Variants in SFMBT2 observed in about 807,000 individuals in gnomAD.
SFMBT2 encodes the protein scm-like with four MBT domains protein 2.
Under a neutral mutation model 110.1 loss-of-function variants are expected in SFMBT2, and 38 were observed. The observed-to-expected ratio is 0.35, with a 90% CI of 0.27 to 0.45. SFMBT2 has a LOEUF of 0.45. SFMBT2 is among the 20% of genes least tolerant of loss of function. The pLI is 1.00. For missense variants in SFMBT2, 1,011 were observed against 1,094.9 expected, an observed-to-expected ratio of 0.92 and a Z score of 1.08; for synonymous variants, 425 against 425.4, an observed-to-expected ratio of 1.00 and a Z score of 0.01.
intron 4 of SFMBT2, among the ~76,000 whole-genome samples, chr10:7,291,976 C>G (rs1238778903): frequency 6.6e-6 from 1 of 152,170 alleles, no homozygotes; most frequent in Non-Finnish European, 1.5e-5. Context: ...CTGCAGCCCC[C>G]ACACTAATTT....
chr10:7,368,773 A>G (rs1844984244), intron 3 of SFMBT2, among the ~76,000 whole-genome samples: 1 of 152,244 alleles, frequency 6.6e-6, no homozygotes, highest in Non-Finnish European at 1.5e-5. Flanking sequence ...CAGCATCTTA[A>G]GATATAAATG....
intron 4 of SFMBT2, among the ~76,000 whole-genome samples, chr10:7,363,834 T>C (rs530382266): frequency 1.6e-4 from 24 of 152,196 alleles, no homozygotes; most frequent in African/African-American, 5.8e-4. Context: ...CCTCCCTTTA[T>C]ACCACTCTGA....
intron 2 of SFMBT2, among the ~76,000 whole-genome samples, chr10:7,377,967 G>GGCGGC (rs78553669): frequency 1.6e-5 from 2 of 122,458 alleles, no homozygotes; most frequent in South Asian, 6.1e-4. Flanking sequence ...GTGTGGGGGG[G>GGCGGC]GGTTGTGTGT....
chr10:7,396,435 G>A (rs1020321003), intron 1 of SFMBT2, among the ~76,000 whole-genome samples: 3 of 152,198 alleles, frequency 2.0e-5, no homozygotes, highest in South Asian at 4.2e-4. Context: ...ACAGTTTCCC[G>A]CCCACTGTCA....
chr10:7,294,669 T>A (rs903568555), intron 4 of SFMBT2, among the ~76,000 whole-genome samples: 12 of 152,208 alleles, frequency 7.9e-5, no homozygotes, highest in Non-Finnish European at 1.5e-5. Context: ...ATATTGTTAC[T>A]CTAAAATTAA....
intron 4 of SFMBT2, among the ~76,000 whole-genome samples, chr10:7,346,317 G>C (rs546947508): frequency 6.6e-6 from 1 of 152,286 alleles, no homozygotes; most frequent in African/African-American, 2.4e-5. Flanking sequence ...TTATGATGCT[G>C]TGTCTTGGTG....
chr10:7,189,296 G>A, intron 15 of SFMBT2: 1 of 513,060 alleles, frequency 1.9e-6, no homozygotes, highest in South Asian at 8.6e-5. Context: ...AAGAGAGTCT[G>A]GAATATCCAG....
chr10:7,289,790 C>T (rs1001367422), intron 4 of SFMBT2, among the ~76,000 whole-genome samples: 3 of 152,162 alleles, frequency 2.0e-5, no homozygotes, highest in Non-Finnish European at 4.4e-5. Context: ...AACCAATTTA[C>T]AATTCCTAGA....
chr10:7,351,879 A>AT (rs1234200945), intron 4 of SFMBT2, among the ~76,000 whole-genome samples: 36 of 138,698 alleles, frequency 2.6e-4, no homozygotes, highest in Middle Eastern at 3.6e-3. Context: ...GTAAAAAAAA[A>AT]AATATATATA....
intron 4 of SFMBT2, among the ~76,000 whole-genome samples, chr10:7,328,830 C>T: frequency 6.6e-6 from 1 of 152,180 alleles, no homozygotes; most frequent in Non-Finnish European, 1.5e-5. Context: ...AGTGTAAGAA[C>T]AAGGTGACTA....
At position 7,327,328 on chromosome 10, in the gene SFMBT2, C is replaced by T. The variant is rs114890966; in HGVS notation, c.436+40321G>A. ...CACCATCAGGATACAGTTTCATCAC[C>T]CCGAAAAAAAAATCCCTCCTTCTGT... On this transcript the variant is annotated intron_variant, in intron 4 of 20. Transcript: ENST00000397167. 6.8e-3 allele frequency among the ~76,000 whole-genome samples: 1,035 copies of T among 151,868 alleles called. 16 individuals are homozygous for T. The highest frequency in any genetic ancestry group is 0.024 in the African/African-American group (984 of 41,376).
intron 4 of SFMBT2, among the ~76,000 whole-genome samples, chr10:7,321,295 G>A (rs1013392128): frequency 2.0e-5 from 3 of 148,792 alleles, no homozygotes; most frequent in East Asian, 2.0e-4. Flanking sequence ...TCCGCCTCCC[G>A]GGTTCATGCC....
chr10:7,386,098 C>T lies in SFMBT2; in HGVS notation c.-51-4149G>A, dbSNP rs751640557. ...CAATCCAGGAAAAAATAATAAAAAGCGAGCAGTGTTTCACAATCCACATTT... is the reference window on the plus strand; with the variant it reads ...CAATCCAGGAAAAAATAATAAAAAGTGAGCAGTGTTTCACAATCCACATTT... On this transcript the variant is annotated intron_variant, in intron 1 of 20. Transcript: ENST00000397167. Among the ~76,000 whole-genome samples, 40 of 152,256 alleles carry T rather than the reference C, an allele frequency of 2.6e-4. 1 individual carries two copies. Among genetic ancestry groups the T allele is most frequent in the Non-Finnish European group, 4.6e-4 (31 of 68,024 alleles).
At chr10:7,405,830 C>G (rs568491568) in intron 1 of SFMBT2, among the ~76,000 whole-genome samples, 3 of 126,684 alleles carry the variant, frequency 2.4e-5, no homozygotes, top group East Asian at 3.1e-4. Context: ...ATTCCCCCCC[C>G]GACCCCCGCT....
At chr10:7,329,166 C>T (rs1448167845) in intron 4 of SFMBT2, among the ~76,000 whole-genome samples, 9 of 152,160 alleles carry the variant, frequency 5.9e-5, no homozygotes, top group African/African-American at 1.9e-4. Context: ...TAGCATTTCA[C>T]GGACTAAGAA....
At chr10:7,222,863 G>A (rs1839789615) in intron 10 of SFMBT2, among the ~76,000 whole-genome samples, 1 of 151,896 alleles carries the variant, frequency 6.6e-6, no homozygotes, top group Non-Finnish European at 1.5e-5. Context: ...GTAGAGTTGG[G>A]GTTTCACCAT....
At chr10:7,173,937 A>G (rs1198114860) in intron 17 of SFMBT2, among the ~76,000 whole-genome samples, 1 of 152,094 alleles carries the variant, frequency 6.6e-6, no homozygotes, top group African/African-American at 2.4e-5. Flanking sequence ...TCTGCACCCC[A>G]ATTTCCTTAC....
chr10:7,303,543 T>A (rs1842613402), intron 4 of SFMBT2, among the ~76,000 whole-genome samples: 5 of 152,148 alleles, frequency 3.3e-5, no homozygotes, highest in Admixed American at 3.3e-4. Flanking sequence ...AAGGGTGGTG[T>A]AATAAAATAG....
chr10:7,257,727 A>C (rs1231938344), intron 7 of SFMBT2, among the ~76,000 whole-genome samples: 1 of 152,200 alleles, frequency 6.6e-6, no homozygotes, highest in African/African-American at 2.4e-5. Flanking sequence ...AAATGTCACT[A>C]TGTGGCTATC....
Sources: allele counts gnomAD v4.1 joint callset (sites outside exome capture counted in the v4.1 genomes callset), GRCh38; gene constraint gnomAD v4.1.1; transcripts MANE v1.5; gene names NCBI Gene and HGNC (gene_info 2026-07-23, HGNC 2026-07-21).